ANKRD18A: variants seen among roughly 807,000 people sequenced by gnomAD.
ANKRD18A encodes the protein ankyrin repeat domain 18A.
ANKRD18A carries 72 observed loss-of-function variants against 110.6 expected under a neutral mutation model. The observed-to-expected ratio is 0.65, with a 90% CI of 0.54 to 0.79. The LOEUF is 0.79. Ranked by LOEUF, ANKRD18A falls within the 30% of genes least tolerant of loss-of-function variation. The pLI is 0.00. For synonymous variants in ANKRD18A, 305 were observed against 410.3 expected (o/e 0.74, Z 3.10); for missense variants, 934 against 1,163.3 (o/e 0.80, Z 2.87).
intron 14 of ANKRD18A, 96 bp from the exon 15 acceptor site, chr9:38,575,794 C>T: frequency 8.3e-7 from 1 of 1,198,444 alleles, no homozygotes. Context: ...TGAGAGTAAA[C>T]CAAAATACCC....
chr9:38,584,136 C>G (rs996641607), intron 12 of ANKRD18A, among the ~76,000 whole-genome samples: 5 of 152,172 alleles, frequency 3.3e-5, no homozygotes, highest in African/African-American at 1.2e-4. Flanking sequence ...CTGAGAGCTT[C>G]CCTTTCACTT....
chr9:38,587,998 G>A (rs1365694801), intron 11 of ANKRD18A, among the ~76,000 whole-genome samples: 2 of 152,170 alleles, frequency 1.3e-5, no homozygotes, highest in African/African-American at 4.8e-5. Flanking sequence ...TGAGGCAAGA[G>A]AATCACTTGA....
At position 38,620,083 on chromosome 9, in the gene ANKRD18A, T is replaced by C. The variant is rs1444616395; in HGVS notation, c.203A>G (p.Asp68Gly). ...FRDLDARDRK[D>G]RTVLHLACAH... ...GCGGGCTGAGTCCCCGAGCTACCTG[T>C]CTTTTCTGTCGCGGGCGTCCAAGTC... Residue 68 changes from aspartate (D) to glycine (G), a missense_variant, in exon 1 of 16, where the codon GAC becomes GGC. Physicochemically the swap from Asp to Gly is moderately conservative, Grantham distance 94 (BLOSUM62 -1). Transcript: ENST00000399703. The C allele has an allele frequency of 1.9e-6, 3 of 1,551,478 alleles. No individual in the cohort carries two copies. The highest frequency in any genetic ancestry group is 1.7e-6 in the Non-Finnish European group (2 of 1,147,460).
chr9:38,614,445 G>A (rs1295942962), intron 3 of ANKRD18A, among the ~76,000 whole-genome samples: 1 of 151,960 alleles, frequency 6.6e-6, no homozygotes, highest in Non-Finnish European at 1.5e-5. Context: ...ACAGTGCATG[G>A]CTTCAAGAAA....
chr9:38,571,582 G>T lies in ANKRD18A; in HGVS notation c.*463C>A. The T allele has an allele frequency of 4.0e-6, 4 of 1,011,268 alleles. No homozygotes were observed. The highest frequency in any genetic ancestry group is 4.7e-6 in the Non-Finnish European group (4 of 846,574). The allele number at this position is 1,011,268 out of a possible 1,614,324, so 62.6% of individuals were successfully genotyped here. A position where few individuals can be genotyped will look rare whatever the true frequency, so the allele number is the denominator to read the frequency against. ...CTACAAGAAGAAAACCGTAACACTA[G>T]TATGGACAAACCTGGCAGATACTCT... is the stretch of plus-strand genomic sequence containing the variant. On this transcript the variant is annotated 3_prime_UTR_variant, in exon 16 of 16. Coordinates refer to ENST00000399703, the MANE Select transcript of ANKRD18A (RefSeq NM_147195.4).
At chr9:38,584,699 A>G (rs750131016) in intron 12 of ANKRD18A, among the ~76,000 whole-genome samples, 8 of 152,180 alleles carry the variant, frequency 5.3e-5, no homozygotes, top group South Asian at 4.1e-4. Flanking sequence ...AAATATATAC[A>G]TACATATATT....
At position 38,609,622 on chromosome 9, in the gene ANKRD18A, A is replaced by G. The variant is rs574312692; in HGVS notation, c.740+651T>C. On this transcript the variant is annotated intron_variant, in intron 5 of 15. Coordinates refer to ENST00000399703, the MANE Select transcript of ANKRD18A (RefSeq NM_147195.4). Reference sequence around the variant, plus strand: ...TTACCAGATTGCAGGACCAGTTACAATGGCAGCAATACAGCAAGTGAATCA... The same window carrying G: ...TTACCAGATTGCAGGACCAGTTACAGTGGCAGCAATACAGCAAGTGAATCA... Among the ~76,000 whole-genome samples, 5 of 152,174 alleles carry G rather than the reference A, an allele frequency of 3.3e-5. No homozygotes were observed. The South Asian group carries it at 6.2e-4, about 19-fold the overall frequency.
At position 38,593,744 on chromosome 9, in the gene ANKRD18A, T is replaced by C. The variant is rs1218430890; in HGVS notation, c.2004+16A>G. On this transcript the variant is annotated intron_variant, in intron 10 of 15. Transcript: ENST00000399703. ...AGCTACAGATTAACTGTCTACATGTTAAATTCCATACATACTTGAATTTCT... is the reference window on the plus strand; with the variant it reads ...AGCTACAGATTAACTGTCTACATGTCAAATTCCATACATACTTGAATTTCT... 8 of 1,516,686 alleles carry C rather than the reference T, an allele frequency of 5.3e-6. No individual in the cohort carries two copies. Among genetic ancestry groups the C allele is most frequent in the Admixed American group, 2.2e-5 (1 of 44,878 alleles). The allele number at this position is 1,516,686 out of a possible 1,614,324, so 94.0% of individuals were successfully genotyped here. A position where few individuals can be genotyped will look rare whatever the true frequency, so the allele number is the denominator to read the frequency against.
intron 10 of ANKRD18A, among the ~76,000 whole-genome samples, chr9:38,588,949 C>T: frequency 6.6e-6 from 1 of 151,948 alleles, no homozygotes; most frequent in Non-Finnish European, 1.5e-5. Flanking sequence ...TAGTAAGATA[C>T]ATTAAGAGTA....
downstream of ANKRD18A, chr9:38,569,160 C>A: frequency 1.0e-6 from 1 of 984,838 alleles, no homozygotes. Flanking sequence ...TTGGTTATCA[C>A]GGAGCGAGAC....
At chr9:38,597,536 G>A (rs994276145) in intron 8 of ANKRD18A, among the ~76,000 whole-genome samples, 5 of 152,092 alleles carry the variant, frequency 3.3e-5, no homozygotes, top group Admixed American at 1.3e-4. Flanking sequence ...GAAATATTAA[G>A]TAACTCACCC....
downstream of ANKRD18A, chr9:38,571,165 C>T (rs1172351773): frequency 7.8e-6 from 12 of 1,534,132 alleles, no homozygotes; most frequent in South Asian, 1.2e-5. Context: ...GACTAGTGAG[C>T]GCATGATGGG....
At chr9:38,591,742 G>C (rs561573258) in intron 10 of ANKRD18A, among the ~76,000 whole-genome samples, 6 of 152,258 alleles carry the variant, frequency 3.9e-5, no homozygotes, top group African/African-American at 1.4e-4. Context: ...TCTTCTCTCT[G>C]TGTGACTCAG....
intron 4 of ANKRD18A, among the ~76,000 whole-genome samples, chr9:38,610,776 A>G (rs1170059906): frequency 2.6e-5 from 4 of 152,040 alleles, no homozygotes; most frequent in African/African-American, 9.7e-5. Context: ...ATTATATTGT[A>G]ATTCAAAGTC....
At chr9:38,600,388 G>C (rs531029801) in intron 8 of ANKRD18A, among the ~76,000 whole-genome samples, 3 of 152,050 alleles carry the variant, frequency 2.0e-5, no homozygotes, top group Non-Finnish European at 4.4e-5. Flanking sequence ...AATCAGAAAG[G>C]GAAGAAAACT....
At chr9:38,613,441 G>A (rs1361024697) in intron 3 of ANKRD18A, among the ~76,000 whole-genome samples, 2 of 151,856 alleles carry the variant, frequency 1.3e-5, no homozygotes, top group Non-Finnish European at 2.9e-5. Flanking sequence ...TTTGCATGTG[G>A]AACTTTTTCT....
intron 3 of ANKRD18A, among the ~76,000 whole-genome samples, chr9:38,613,478 A>C (rs1439645221): frequency 9.2e-5 from 14 of 152,162 alleles, no homozygotes; most frequent in Non-Finnish European, 2.1e-4. Flanking sequence ...GTTTAATAAA[A>C]AAACTCAGGC....
At chr9:38,592,000 AC>A (rs1824671387) in intron 10 of ANKRD18A, among the ~76,000 whole-genome samples, 1 of 152,222 alleles carries the variant, frequency 6.6e-6, no homozygotes, top group Admixed American at 6.5e-5. Context: ...TGCAGCCAGA[AC>A]TATTCAGCTG....
At chr9:38,606,736 G>A (rs1209944306) in intron 6 of ANKRD18A, among the ~76,000 whole-genome samples, 1 of 152,134 alleles carries the variant, frequency 6.6e-6, no homozygotes, top group East Asian at 1.9e-4. Flanking sequence ...GTTACTAAAT[G>A]TAAACCATTT....
Sources: gnomAD v4.1 joint callset for allele counts (sites outside exome capture counted in the v4.1 genomes callset) on GRCh38, gnomAD v4.1.1 for gene constraint, MANE v1.5 for transcripts, NCBI Gene and HGNC (gene_info 2026-07-23, HGNC 2026-07-21) for gene names.